ZIM2: variants seen among roughly 807,000 people sequenced by gnomAD.
ZIM2 encodes zinc finger protein 656.
ZIM2 carries 14 observed loss-of-function variants against 38.6 expected under a neutral mutation model. That is an observed-to-expected ratio of 0.36 (90% CI 0.24 to 0.57). The LOEUF is 0.57. Among genes scored for constraint, ZIM2 ranks in the 20% least tolerant of loss-of-function variants. The probability of loss-of-function intolerance (pLI) is 0.81; values close to 1 mark genes in which losing one functional copy is unlikely to be tolerated. For synonymous variants in ZIM2, 247 were observed against 245.8 expected (o/e 1.00, Z -0.04); for missense variants, 680 against 695.1 (o/e 0.98, Z 0.24).
chr19:56,824,026 T>C (rs556210092), intron 4 of ZIM2, among the ~76,000 whole-genome samples: 2 of 152,298 alleles, frequency 1.3e-5, no homozygotes. Flanking sequence ...ATGGTGGTTC[T>C]GCACTAGGGA....
At position 56,774,677 on chromosome 19, in the gene ZIM2, CTA is replaced by C; in HGVS notation, c.*9_*10del. On this transcript the variant is annotated 3_prime_UTR_variant, in exon 13 of 13. Coordinates refer to ENST00000629319, the MANE Select transcript of ZIM2 (RefSeq NM_001387356.1). ...ATGTTGAGAAAAGTGTGTGCTGTGA[CTA>C]AAGGTTTCTCAACAGTGATCGCACT... The C allele has an allele frequency of 6.2e-7, 1 of 1,611,370 alleles. No homozygotes were observed. Among genetic ancestry groups the C allele is most frequent in the Non-Finnish European group, 8.5e-7 (1 of 1,178,362 alleles).
At chr19:56,825,420 A>G (rs749140034) in intron 3 of ZIM2, among the ~76,000 whole-genome samples, 53 of 152,256 alleles carry the variant, frequency 3.5e-4, no homozygotes, top group African/African-American at 1.3e-3. Flanking sequence ...TAATCTGTCT[A>G]AAAGAACCGG....
At chr19:56,838,874 C>A (rs1468644227) in intron 1 of ZIM2, among the ~76,000 whole-genome samples, 1 of 152,166 alleles carries the variant, frequency 6.6e-6, no homozygotes, top group Non-Finnish European at 1.5e-5. Context: ...CAACCCCACA[C>A]CTATGCGGCA....
chr19:56,814,608 T>A lies in ZIM2; in HGVS notation c.490+3138A>T. On this transcript the variant is annotated intron_variant, in intron 9 of 12. Transcript: ENST00000629319. The surrounding 1 kb of genome is among the most constrained non-coding windows in gnomAD (Gnocchi z 5.8). ...AGACTGCACATTCAAAGAGTCTCTC[T>A]TCGGTCTGACTTCTCTGAAACTCAG... The A allele has an allele frequency of 6.2e-7, 1 of 1,614,134 alleles. No homozygotes were observed. The highest frequency in any genetic ancestry group is 8.5e-7 in the Non-Finnish European group (1 of 1,179,998).
At chr19:56,795,412 G>A (rs571201964) in intron 9 of ZIM2, among the ~76,000 whole-genome samples, 1 of 152,226 alleles carries the variant, frequency 6.6e-6, no homozygotes, top group South Asian at 2.1e-4. Context: ...CCAGGCCCCT[G>A]GCTGGGCTAC....
chr19:56,802,526 T>A (rs2145997313), intron 9 of ZIM2, among the ~76,000 whole-genome samples: 1 of 152,254 alleles, frequency 6.6e-6, no homozygotes, highest in Non-Finnish European at 1.5e-5. Context: ...GTGTAAGATT[T>A]AAGGACAATT....
At chr19:56,786,058 C>A (rs185902769) in intron 10 of ZIM2, among the ~76,000 whole-genome samples, 35 of 152,276 alleles carry the variant, frequency 2.3e-4, no homozygotes, top group African/African-American at 7.5e-4. Flanking sequence ...CCACGCCCTA[C>A]CCCAAGCCCT....
chr19:56,784,560 T>C (rs1160698501), intron 10 of ZIM2, among the ~76,000 whole-genome samples: 3 of 152,216 alleles, frequency 2.0e-5, no homozygotes, highest in African/African-American at 7.2e-5. Context: ...TATCTTACTG[T>C]TCCCAAATGT....
intron 9 of ZIM2, chr19:56,809,976 A>G (rs576600496): frequency 3.6e-4 from 69 of 190,018 alleles, no homozygotes; most frequent in South Asian, 9.0e-4. Flanking sequence ...TTTGCAAACC[A>G]AACTTTTTAG....
At chr19:56,786,274 CCTT>C (rs1054476988) in intron 10 of ZIM2, among the ~76,000 whole-genome samples, 2 of 152,138 alleles carry the variant, frequency 1.3e-5, no homozygotes, top group African/African-American at 4.8e-5. Flanking sequence ...GCAATATCCT[CCTT>C]AAGAATGCGT....
intron 9 of ZIM2, among the ~76,000 whole-genome samples, chr19:56,790,518 T>A (rs565203366): frequency 6.6e-6 from 1 of 152,330 alleles, no homozygotes; most frequent in South Asian, 2.1e-4. Context: ...ACACTACCCC[T>A]TAGTCACTTA....
chr19:56,805,513 G>T (rs946919352), intron 9 of ZIM2, among the ~76,000 whole-genome samples: 1 of 152,168 alleles, frequency 6.6e-6, no homozygotes, highest in African/African-American at 2.4e-5. Flanking sequence ...TTTATTAGTT[G>T]CAAGGAGGGA....
intron 1 of ZIM2, among the ~76,000 whole-genome samples, 161 bp downstream of exon 1, chr19:56,840,421 G>C (rs1234674525): frequency 1.3e-5 from 2 of 152,182 alleles, no homozygotes; most frequent in Non-Finnish European, 2.9e-5. Context: ...CTGGGCAGCG[G>C]GCGGCCAAGT....
At chr19:56,812,168 A>C in intron 9 of ZIM2, 8 of 978,174 alleles carry the variant, frequency 8.2e-6, no homozygotes, top group Non-Finnish European at 9.7e-6. Flanking sequence ...CTCAAGGCCA[A>C]AAAAAATTTC....
chr19:56,823,547 G>A (rs748251306), intron 5 of ZIM2, 43 bp downstream of exon 5: 18 of 1,612,140 alleles, frequency 1.1e-5, no homozygotes, highest in Non-Finnish European at 1.5e-5. Flanking sequence ...GGAAGCATCT[G>A]GCAGCGCCTG....
chr19:56,823,627 T>C lies in ZIM2; in HGVS notation c.69A>G (p.Arg23=). 1 of 1,614,142 alleles carries C rather than the reference T, an allele frequency of 6.2e-7. No homozygotes were observed. Among genetic ancestry groups the C allele is most frequent in the Non-Finnish European group, 8.5e-7 (1 of 1,180,024 alleles). Reference sequence around the variant, plus strand: ...GGACTGAGTGAGGTGGTGAGGACTCTCTTCTGTTCCGGGTCATGTCGTCGT... The same window carrying C: ...GGACTGAGTGAGGTGGTGAGGACTCCCTTCTGTTCCGGGTCATGTCGTCGT... ...TSDDDMTRNR[R]ESSPPHSVHS... Residue 23 remains arginine, a synonymous_variant, in exon 5 of 13, where the codon AGA becomes AGG. Coordinates refer to ENST00000629319, the MANE Select transcript of ZIM2 (RefSeq NM_001387356.1).
At chr19:56,777,819 C>T (rs1049349435) in intron 12 of ZIM2, among the ~76,000 whole-genome samples, 1 of 152,196 alleles carries the variant, frequency 6.6e-6, no homozygotes, top group African/African-American at 2.4e-5. Flanking sequence ...CTTTGCATCT[C>T]ACTTATAATA....
In ZIM2 at chr19:56,817,857, T is replaced by C; in HGVS notation, c.398-19A>G. The C allele has an allele frequency of 6.2e-7, 1 of 1,602,102 alleles. No individual in the cohort carries two copies. The highest frequency in any genetic ancestry group is 1.1e-5 in the South Asian group (1 of 90,420). ...TGCACTCCTGGTCACAAGGACAATA[T>C]GATGCCTCAAATTCAAGTTGAGGAC... On this transcript the variant is annotated intron_variant, in intron 8 of 12. Transcript: ENST00000629319.
Position 56,775,077 on chromosome 19 carries a change from G to T in ZIM2, c.1288C>A (p.Leu430Ile), listed in dbSNP as rs749174144. 1 of 1,614,022 alleles carries T rather than the reference G, an allele frequency of 6.2e-7. No individual in the cohort carries two copies. The highest frequency in any genetic ancestry group is 8.5e-7 in the Non-Finnish European group (1 of 1,180,046). The change falls in exon 13 of 13, where the codon CTC becomes ATC. Residue 430 changes from leucine to isoleucine, a missense_variant. Leu to Ile is a conservative substitution (Grantham distance 5). Coordinates refer to ENST00000629319, the MANE Select transcript of ZIM2 (RefSeq NM_001387356.1). ...GRKPSVQCAN[L>I]CERVRIHSQE... ...CTGTGAATTCTTACACGTTCACAGA[G>T]ATTCGCACACTGGACGGAAGGCTTT...
Sources: allele counts gnomAD v4.1 joint callset (sites outside exome capture counted in the v4.1 genomes callset), GRCh38; gene constraint gnomAD v4.1.1; non-coding constraint Gnocchi (gnomAD v3.1); transcripts MANE v1.5; gene names NCBI Gene and HGNC (gene_info 2026-07-23, HGNC 2026-07-21).